TCTA: variants seen among roughly 807,000 people sequenced by gnomAD.
The protein encoded by TCTA is T-cell leukemia translocation-altered gene protein.
Under a neutral mutation model 13.5 loss-of-function variants are expected in TCTA, and 13 were observed. The ratio of observed to expected loss-of-function variants is 0.96; its 90% CI spans 0.63 to 1.53. The LOEUF is 1.53. TCTA is among the 40% of genes most tolerant of loss of function. TCTA has a pLI of 0.00. For missense variants in TCTA, 138 were observed against 131.3 expected, an observed-to-expected ratio of 1.05 and a Z score of -0.25; for synonymous variants, 58 against 59.0, an observed-to-expected ratio of 0.98 and a Z score of 0.08.
In TCTA at chr3:49,414,803, C is replaced by T. The variant is rs753639106; in HGVS notation, c.270-17C>T. The stretch of plus-strand genomic sequence containing the variant: ...ATGGAATAACCACTCTCTCTTCTCT[C>T]TCTCCATCACTTTCAGGGAAATGGC... On this transcript the variant is annotated splice_polypyrimidine_tract_variant and intron_variant, in intron 2 of 2. Transcript: ENST00000273590. 6.2e-7 allele frequency: 1 copy of T among 1,613,822 alleles called. No individual in the cohort carries two copies. Among genetic ancestry groups the T allele is most frequent in the Admixed American group, 1.7e-5 (1 of 60,008 alleles).
intron 2 of TCTA, chr3:49,413,332 G>T (rs1478606200): frequency 1.8e-6 from 1 of 568,294 alleles, no homozygotes; most frequent in Non-Finnish European, 3.2e-6. Flanking sequence ...ATAGGTGGTG[G>T]TATTGTCATA....
chr3:49,413,271 T>C (rs1194443643), intron 2 of TCTA, 161 bp downstream of exon 2: 4 of 729,016 alleles, frequency 5.5e-6, no homozygotes, highest in Admixed American at 4.6e-5. Context: ...CAAGTTAGGG[T>C]GACACCAAGG....
rs1408889231 is a variant in TCTA, at chr3:49,415,115, A to T, written c.*253A>T. 5 of 469,402 alleles carry T rather than the reference A, an allele frequency of 1.1e-5. No individual in the cohort carries two copies. Among genetic ancestry groups the T allele is most frequent in the Non-Finnish European group, 1.9e-5 (5 of 260,168 alleles). The allele number at this position is 469,402 out of a possible 1,614,324, so 29.1% of individuals were successfully genotyped here. On this transcript the variant is annotated 3_prime_UTR_variant, in exon 3 of 3. Coordinates refer to ENST00000273590, the MANE Select transcript of TCTA (RefSeq NM_022171.3). ...AGAGAGATTGTGTTCTTCCTCTCTC[A>T]GGGGTGATAACTCAGGAAGCCTCTG...
intron 2 of TCTA, among the ~76,000 whole-genome samples, chr3:49,414,068 C>T (rs2048980941): frequency 6.6e-6 from 1 of 152,046 alleles, no homozygotes; most frequent in East Asian, 1.9e-4. Context: ...AGGGAAACCC[C>T]GTCTTTACTA....
chr3:49,412,944 C>A, intron 1 of TCTA, 112 bp from the exon 2 acceptor site: 9 of 1,101,610 alleles, frequency 8.2e-6, no homozygotes, highest in Non-Finnish European at 4.0e-6. Flanking sequence ...CCCTTAGGAC[C>A]CTCACCAGAC....
chr3:49,413,204 C>A, intron 2 of TCTA, 94 bp downstream of exon 2: 2 of 1,425,564 alleles, frequency 1.4e-6, no homozygotes, highest in Non-Finnish European at 9.9e-7. Context: ...GGCTTTAAGC[C>A]CACCAGCTTA....
At chr3:49,413,435 A>C in intron 2 of TCTA, 1 of 300,212 alleles carries the variant, frequency 3.3e-6, no homozygotes, top group Non-Finnish European at 6.3e-6. Context: ...GAGCACATTG[A>C]CCTCATCAGG....
chr3:49,413,727 A>T (rs1292399494), intron 2 of TCTA, among the ~76,000 whole-genome samples: 2 of 152,226 alleles, frequency 1.3e-5, no homozygotes. Flanking sequence ...CAAGGCTAAG[A>T]GGGAAGAATA....
At chr3:49,413,320 G>C in intron 2 of TCTA, 1 of 581,378 alleles carries the variant, frequency 1.7e-6, no homozygotes, top group South Asian at 2.1e-5. Flanking sequence ...GCAGCCTGTA[G>C]GATAGGTGGT....
intron 1 of TCTA, 45 bp downstream of exon 1, chr3:49,412,685 C>A (rs755869996): frequency 1.9e-6 from 3 of 1,596,586 alleles, no homozygotes; most frequent in South Asian, 1.1e-5. Flanking sequence ...CCCCCGCCCC[C>A]ACCCTCTCCC....
Position 49,415,131 on chromosome 3 carries a change from GA to G in TCTA, c.*271del. ...TCCTCTCTCAGGGGTGATAACTCAGGAAGCCTCTGGGTTGGGAAGACCATCA... is the reference window on the plus strand; with the variant it reads ...TCCTCTCTCAGGGGTGATAACTCAGGAGCCTCTGGGTTGGGAAGACCATCA... On this transcript the variant is annotated 3_prime_UTR_variant, in exon 3 of 3. Coordinates refer to ENST00000273590, the MANE Select transcript of TCTA (RefSeq NM_022171.3). 1 of 418,754 alleles carries G rather than the reference GA, an allele frequency of 2.4e-6. No homozygotes were observed. The allele number at this position is 418,754 out of a possible 1,614,324, so 25.9% of individuals were successfully genotyped here.
In TCTA at chr3:49,412,492, C is replaced by T. The variant is rs140184270; in HGVS notation, c.66C>T (p.Gly22=). 1.0e-4 allele frequency: 166 copies of T among 1,614,070 alleles called. No homozygotes were observed. The African/African-American group carries it at 2.1e-3, about 20-fold the overall frequency. ...CGGCCACGGTGCTGGGCGCGCTGGG[C>T]AGCGAGTTCTTGCGGGAGTGGGAGG... is the stretch of plus-strand genomic sequence containing the variant. ...ALPATVLGAL[G]SEFLREWEAQ... is the part of the protein sequence containing the mutation. The change falls in exon 1 of 3, where the codon GGC becomes GGT. Residue 22 remains glycine, a synonymous_variant. Coordinates refer to ENST00000273590, the MANE Select transcript of TCTA (RefSeq NM_022171.3).
rs1472124180 is a variant in TCTA, at chr3:49,415,081, G to T, written c.*219G>T. On this transcript the variant is annotated 3_prime_UTR_variant, in exon 3 of 3. Transcript: ENST00000273590. ...AGTTTGCCTGTACTCTTATCTGGGT[G>T]CCTTAAGGAGAGAGATTGTGTTCTT... 8 of 548,622 alleles carry T rather than the reference G, an allele frequency of 1.5e-5. No individual in the cohort carries two copies. Among genetic ancestry groups the T allele is most frequent in the Non-Finnish European group, 2.6e-5 (8 of 307,674 alleles). 34.0% of individuals were successfully genotyped at this position (548,622 alleles called of 1,614,324 possible). A position where few individuals can be genotyped will look rare whatever the true frequency, so the allele number is the denominator to read the frequency against.
chr3:49,414,938 C>G lies in TCTA; in HGVS notation c.*76C>G. The G allele has an allele frequency of 1.9e-6, 3 of 1,587,834 alleles. No homozygotes were observed. Among genetic ancestry groups the G allele is most frequent in the Non-Finnish European group, 2.6e-6 (3 of 1,158,144 alleles). ...ACACTGGGTTCTGCTACTCCCCAGA[C>G]CTCAGGGACAACTGCCGGGGGTTCA... On this transcript the variant is annotated 3_prime_UTR_variant, in exon 3 of 3. Coordinates refer to ENST00000273590, the MANE Select transcript of TCTA (RefSeq NM_022171.3).
In TCTA at chr3:49,413,059, T is replaced by C. The variant is rs770040636; in HGVS notation, c.218T>C (p.Leu73Pro). Residue 73 changes from leucine to proline, a missense_variant, in exon 2 of 3, where the codon CTG (leucine) becomes CCG (proline). Leu to Pro is a moderately conservative substitution (Grantham distance 98). Coordinates refer to ENST00000273590, the MANE Select transcript of TCTA (RefSeq NM_022171.3). ...CTGGATGTGTTTCTGCCTCCAGGTC[T>C]GGGTGGTCAGAATGGATCCACGCCT... ...TVTGLYHRPG[L>P]GGQNGSTPDG... 6.2e-7 allele frequency: 1 copy of C among 1,614,216 alleles called. No homozygotes were observed. The highest frequency in any genetic ancestry group is 1.1e-5 in the South Asian group (1 of 91,084).
intron 1 of TCTA, 24 bp from the exon 2 acceptor site, chr3:49,413,032 C>T: frequency 6.2e-7 from 1 of 1,613,446 alleles, no homozygotes. Context: ...CCTTCTGCAG[C>T]TCTGGATGTG....
At position 49,413,037 on chromosome 3, in the gene TCTA, G is replaced by T; in HGVS notation, c.215-19G>T. On this transcript the variant is annotated intron_variant, in intron 1 of 2. Transcript: ENST00000273590. ...CCCACCCCAGCCTTCTGCAGCTCTG[G>T]ATGTGTTTCTGCCTCCAGGTCTGGG... 6.2e-7 allele frequency: 1 copy of T among 1,613,904 alleles called. No individual in the cohort carries two copies. The highest frequency in any genetic ancestry group is 1.7e-5 in the Admixed American group (1 of 59,994).
At chr3:49,413,801 C>T (rs2048978524) in intron 2 of TCTA, among the ~76,000 whole-genome samples, 1 of 152,202 alleles carries the variant, frequency 6.6e-6, no homozygotes, top group Non-Finnish European at 1.5e-5. Context: ...GCTTGTTGGA[C>T]CCTGGGAGCC....
chr3:49,413,429 A>C, intron 2 of TCTA: 1 of 350,996 alleles, frequency 2.8e-6, no homozygotes, highest in African/African-American at 2.1e-5. Context: ...TGTCCTGAGC[A>C]CATTGACCTC....
Sources: allele counts gnomAD v4.1 joint callset (sites outside exome capture counted in the v4.1 genomes callset), GRCh38; gene constraint gnomAD v4.1.1; transcripts MANE v1.5; gene names NCBI Gene and HGNC (gene_info 2026-07-23, HGNC 2026-07-21).